SYNE2: variants seen among roughly 807,000 people sequenced by gnomAD.
The protein encoded by SYNE2 is spectrin repeat containing nuclear envelope protein 2, also known as nesprin-2.
Under a neutral mutation model 856.3 loss-of-function variants are expected in SYNE2, and 431 were observed. The ratio of observed to expected loss-of-function variants is 0.50; its 90% CI spans 0.47 to 0.55. SYNE2 has a LOEUF of 0.55. Among genes scored for constraint, SYNE2 ranks in the 20% least tolerant of loss-of-function variants. The pLI is 0.00. For synonymous variants in SYNE2, 2,923 were observed against 2,872.3 expected, an observed-to-expected ratio of 1.02 and a Z score of -0.56; for missense variants, 8,129 against 8,023.2, an observed-to-expected ratio of 1.01 and a Z score of -0.50.
chr14:63,845,984 T>C (rs1022805751), intron 1 of SYNE2, among the ~76,000 whole-genome samples: 1 of 151,776 alleles, frequency 6.6e-6, no homozygotes, highest in Non-Finnish European at 1.5e-5. Flanking sequence ...CCCCAGGTGA[T>C]CCACCCACCT....
At chr14:64,041,917 G>A (rs1345206550) in intron 45 of SYNE2, among the ~76,000 whole-genome samples, 2 of 151,486 alleles carry the variant, frequency 1.3e-5, no homozygotes, top group African/African-American at 4.8e-5. Flanking sequence ...AATATAAACA[G>A]TAATTCAATG....
intron 11 of SYNE2, among the ~76,000 whole-genome samples, chr14:63,969,409 C>T (rs538581826): frequency 6.9e-5 from 10 of 145,172 alleles, no homozygotes; most frequent in East Asian, 6.0e-4. Flanking sequence ...GGTGCAATCT[C>T]GGCTCACTGC....
chr14:64,179,125 A>G (rs1043526899), intron 96 of SYNE2, among the ~76,000 whole-genome samples: 1 of 152,088 alleles, frequency 6.6e-6, no homozygotes, highest in African/African-American at 2.4e-5. Context: ...AAGCAGTACT[A>G]TATATAATGT....
intron 39 of SYNE2, 53 bp from the exon 40 acceptor site, chr14:64,024,859 G>T: frequency 6.2e-7 from 1 of 1,602,946 alleles, no homozygotes; most frequent in East Asian, 2.2e-5. Flanking sequence ...CTTTTCTTTG[G>T]TATAAACACT....
chr14:64,018,284 G>T (rs1022122005), intron 34 of SYNE2, among the ~76,000 whole-genome samples: 1 of 152,096 alleles, frequency 6.6e-6, no homozygotes, highest in Non-Finnish European at 1.5e-5. Flanking sequence ...CTGTCACCCA[G>T]GCTGGAGTGC....
chr14:63,863,250 G>A (rs975841754), intron 1 of SYNE2, among the ~76,000 whole-genome samples: 1 of 152,144 alleles, frequency 6.6e-6, no homozygotes, highest in Non-Finnish European at 1.5e-5. Context: ...GCTCCATGGT[G>A]TCTTTTTTTC....
chr14:64,053,527 G>A lies in SYNE2; in HGVS notation c.9614G>A (p.Ser3205Asn). ...GAGCAAGTTTGGGCAGAAATGTGTA[G>A]TATTAAAGCTGTGACTGCTATTGAG... ...FQEQVWAEMCSIKAVTAIEKQ... is the reference protein window; with the variant it reads ...FQEQVWAEMCNIKAVTAIEKQ... Residue 3205 changes from serine to asparagine, a missense_variant, in exon 48 of 116, where the codon AGT (serine) becomes AAT (asparagine). Ser to Asn is a conservative substitution (Grantham distance 46). This residue lies in a region of SYNE2 where 5,410 missense variants were observed against 5,284.8 expected (regional missense o/e 1.02). Transcript: ENST00000555002. The A allele has an allele frequency of 1.2e-6, 2 of 1,614,252 alleles. No homozygotes were observed.
intron 2 of SYNE2, among the ~76,000 whole-genome samples, chr14:63,918,909 A>G (rs940749148): frequency 3.3e-5 from 5 of 152,208 alleles, no homozygotes; most frequent in Non-Finnish European, 7.3e-5. Flanking sequence ...CTTCAGTTAA[A>G]TAGGATTTTT....
At chr14:63,866,265 CTAAAACAA>C (rs1895297826) in intron 1 of SYNE2, among the ~76,000 whole-genome samples, 1 of 152,180 alleles carries the variant, frequency 6.6e-6, no homozygotes, top group African/African-American at 2.4e-5. Context: ...TGTCAGACTA[CTAAAACAA>C]AAGAAAATCT....
At chr14:64,092,195 A>G (rs893474326) in intron 60 of SYNE2, among the ~76,000 whole-genome samples, 2 of 152,214 alleles carry the variant, frequency 1.3e-5, no homozygotes, top group African/African-American at 4.8e-5. Context: ...GGTCCTAACT[A>G]TGCTTTCAAG....
intron 34 of SYNE2, among the ~76,000 whole-genome samples, chr14:64,018,101 C>A (rs368432037): frequency 6.6e-6 from 1 of 152,208 alleles, no homozygotes; most frequent in African/African-American, 2.4e-5. Flanking sequence ...ATTGCTATTA[C>A]GCAAGGGGTC....
At chr14:64,112,361 A>G (rs2153656265) in intron 65 of SYNE2, among the ~76,000 whole-genome samples, 1 of 152,338 alleles carries the variant, frequency 6.6e-6, no homozygotes, top group African/African-American at 2.4e-5. Flanking sequence ...TTTGAGAGCA[A>G]AAGGTTTATA....
rs1384888497 is a variant in SYNE2 at position 63,776,812 on chromosome 14, G to A, written c.-305+14826G>A. Among the ~76,000 whole-genome samples the A allele has an allele frequency of 8.6e-5, 13 of 151,972 alleles. No individual in the cohort carries two copies. The East Asian group carries it at 1.7e-3, about 20-fold the overall frequency. ...GATGGGGTTTCACCATCTCGGCCAGGCTGGTCTCAAACTCCTGACCTCAAG... is the reference window on the plus strand; with the variant it reads ...GATGGGGTTTCACCATCTCGGCCAGACTGGTCTCAAACTCCTGACCTCAAG... On this transcript the variant is annotated intron_variant, in intron 1 of 23. Transcript: ENST00000674003.
intron 57 of SYNE2, 138 bp downstream of exon 57, chr14:64,081,718 T>A: frequency 1.0e-6 from 1 of 973,088 alleles, no homozygotes; most frequent in Non-Finnish European, 1.6e-6. Context: ...AGAAGGAAGC[T>A]TGAGAGAGTG....
At chr14:63,766,746 C>A (rs1042000573) in intron 1 of SYNE2, among the ~76,000 whole-genome samples, 1 of 152,196 alleles carries the variant, frequency 6.6e-6, no homozygotes, top group Non-Finnish European at 1.5e-5. Context: ...TATTTCACCT[C>A]TCCCACTCAC....
chr14:64,197,072 T>A (rs1422963324), intron 99 of SYNE2: 1 of 152,434 alleles, frequency 6.6e-6, no homozygotes, highest in African/African-American at 2.4e-5. Context: ...GAGCTTTCGC[T>A]TAAACATAAG....
intron 109 of SYNE2, 110 bp from the exon 110 acceptor site, chr14:64,219,098 T>TTTTTTG (rs1327805805): frequency 6.2e-6 from 5 of 811,206 alleles, no homozygotes; most frequent in South Asian, 1.7e-5. Flanking sequence ...CCCCTACAGT[T>TTTTTTG]TTTTTGTTTT....
chr14:64,027,843 G>GTCTTGCATACT, intron 43 of SYNE2, 50 bp downstream of exon 43: 7 of 1,391,430 alleles, frequency 5.0e-6, no homozygotes, highest in African/African-American at 1.4e-5. Flanking sequence ...TTATACATAA[G>GTCTTGCATACT]TATGCAAGAC....
intron 12 of SYNE2, among the ~76,000 whole-genome samples, chr14:63,976,971 A>G (rs1218102814): frequency 2.1e-5 from 3 of 145,094 alleles, no homozygotes; most frequent in African/African-American, 7.8e-5. Context: ...AGCAACTATA[A>G]ATAAAGTCTT....
Sources: allele counts gnomAD v4.1 joint callset (sites outside exome capture counted in the v4.1 genomes callset), GRCh38; gene constraint gnomAD v4.1.1; regional missense constraint gnomAD v4.1.1; transcripts MANE v1.5; gene names NCBI Gene and HGNC (gene_info 2026-07-23, HGNC 2026-07-21).